The following TRIM2 variants were observed in gnomAD, a reference collection of about 807,000 sequenced individuals.
TRIM2 encodes the protein tripartite motif containing 2.
In TRIM2, 20 loss-of-function variants were observed where a neutral mutation model predicts 75.2. That is an observed-to-expected ratio of 0.27 (90% CI 0.19 to 0.39). The LOEUF is 0.39. Ranked by LOEUF, TRIM2 falls within the 10% of genes least tolerant of loss-of-function variation. TRIM2 has a pLI of 1.00. For missense variants in TRIM2, 660 were observed against 990.8 expected, an observed-to-expected ratio of 0.67 and a Z score of 4.48; for synonymous variants, 373 against 388.3, an observed-to-expected ratio of 0.96 and a Z score of 0.46.
At chr4:153,256,878 GA>G (rs1752188708) in intron 1 of TRIM2, among the ~76,000 whole-genome samples, 2 of 152,166 alleles carry the variant, frequency 1.3e-5, no homozygotes, top group South Asian at 4.1e-4. Flanking sequence ...ACCAAGAGAG[GA>G]AAAGTAGTAG....
intron 1 of TRIM2, among the ~76,000 whole-genome samples, chr4:153,255,071 G>A (rs1751746973): frequency 6.6e-6 from 1 of 152,116 alleles, no homozygotes; most frequent in Admixed American, 6.5e-5. Context: ...GGCGCCCAGA[G>A]CATTTGCTTC....
At position 153,248,788 on chromosome 4, in the gene TRIM2, G is replaced by T. The variant is rs552965342; in HGVS notation, c.31-21547G>T. On this transcript the variant is annotated intron_variant, in intron 1 of 11. Transcript: ENST00000338700. This position sits in a 1 kb window ranked among gnomAD's most constrained non-coding sequence, Gnocchi z 4.0. ...ACTCTTCTGGTAACATGTTGGAGGGGCAGCCTTCTGAGGATGGTGTCAGAT... is the reference window on the plus strand; with the variant it reads ...ACTCTTCTGGTAACATGTTGGAGGGTCAGCCTTCTGAGGATGGTGTCAGAT... Among the ~76,000 whole-genome samples the T allele has an allele frequency of 2.7e-4, 41 of 152,326 alleles. No homozygotes were observed. Among genetic ancestry groups the T allele is most frequent in the Non-Finnish European group, 6.0e-4 (41 of 68,030 alleles).
chr4:153,200,724 A>AAAATATATATAT (rs1405991305), upstream of TRIM2, among the ~76,000 whole-genome samples: 1 of 138,144 alleles, frequency 7.2e-6, no homozygotes, highest in African/African-American at 2.7e-5. Context: ...AAGAAAAAAA[A>AAAATATATATAT]ATATATATAT....
chr4:153,213,285 G>C (rs1364855066), intron 1 of TRIM2, among the ~76,000 whole-genome samples: 3 of 152,108 alleles, frequency 2.0e-5, no homozygotes, highest in Non-Finnish European at 4.4e-5. Context: ...GATGCCTCCA[G>C]GGTACATTAT....
chr4:153,318,066 C>T (rs1028154985), intron 8 of TRIM2, among the ~76,000 whole-genome samples: 4 of 152,194 alleles, frequency 2.6e-5, no homozygotes, highest in Non-Finnish European at 4.4e-5. Context: ...TTTTCCATGC[C>T]GCTAGTAACC....
intron 4 of TRIM2, among the ~76,000 whole-genome samples, chr4:153,293,795 AAT>A (rs775613825): frequency 6.6e-6 from 1 of 152,236 alleles, no homozygotes; most frequent in Non-Finnish European, 1.5e-5. Context: ...GGTTTGGATA[AAT>A]GTTTTATGTG....
intron 1 of TRIM2, among the ~76,000 whole-genome samples, chr4:153,174,398 G>C (rs1731202906): frequency 6.6e-6 from 1 of 152,044 alleles, no homozygotes; most frequent in Non-Finnish European, 1.5e-5. Context: ...GGTGAACAGA[G>C]AGAGAAGGAC....
At position 153,335,140 on chromosome 4, in the gene TRIM2, G is replaced by GT. The variant is rs1465386426; in HGVS notation, c.*175dup. On this transcript the variant is annotated 3_prime_UTR_variant, in exon 12 of 12. Transcript: ENST00000338700. ...CTTAAAAATGACTTATCCAATTTCTGTATTTCACCTTTAGGGTTAAAAAAA... is the reference window on the plus strand; with the variant it reads ...CTTAAAAATGACTTATCCAATTTCTGTTATTTCACCTTTAGGGTTAAAAAAA... 7 of 1,279,916 alleles carry GT rather than the reference G, an allele frequency of 5.5e-6. No individual in the cohort carries two copies. Among genetic ancestry groups the GT allele is most frequent in the Non-Finnish European group, 6.9e-6 (7 of 1,010,980 alleles). 79.3% of individuals were successfully genotyped at this position (1,279,916 alleles called of 1,614,324 possible).
At chr4:153,289,642 A>G (rs1258027057) in intron 3 of TRIM2, among the ~76,000 whole-genome samples, 1 of 152,098 alleles carries the variant, frequency 6.6e-6, no homozygotes, top group Non-Finnish European at 1.5e-5. Flanking sequence ...GGGGAACTTC[A>G]ACTCAGACCA....
At chr4:153,313,467 C>T (rs929939935) in intron 6 of TRIM2, among the ~76,000 whole-genome samples, 2 of 151,744 alleles carry the variant, frequency 1.3e-5, no homozygotes, top group Non-Finnish European at 2.9e-5. Flanking sequence ...AAGTTTAATC[C>T]ATCACCAATT....
intron 1 of TRIM2, among the ~76,000 whole-genome samples, chr4:153,253,000 G>A (rs529448849): frequency 6.6e-6 from 1 of 152,196 alleles, no homozygotes; most frequent in African/African-American, 2.4e-5. Flanking sequence ...TGCACTAAGG[G>A]TTAGTGAATT....
chr4:153,293,748 A>G (rs184945350), intron 4 of TRIM2, among the ~76,000 whole-genome samples: 1 of 152,374 alleles, frequency 6.6e-6, no homozygotes, highest in East Asian at 1.9e-4. Flanking sequence ...AGTAATTCAA[A>G]GAACTTGGAA....
intron 3 of TRIM2, among the ~76,000 whole-genome samples, chr4:153,280,582 A>G (rs886203910): frequency 5.9e-5 from 9 of 152,036 alleles, no homozygotes; most frequent in African/African-American, 1.9e-4. Flanking sequence ...AAAAGGTCTT[A>G]TGTTGCCCAG....
intron 1 of TRIM2, among the ~76,000 whole-genome samples, chr4:153,246,937 G>A (rs1356196292): frequency 1.3e-5 from 2 of 152,206 alleles, no homozygotes; most frequent in Non-Finnish European, 2.9e-5. Context: ...CCAACCTTGA[G>A]AGGCGCATCA....
intron 1 of TRIM2, among the ~76,000 whole-genome samples, chr4:153,179,698 G>A (rs370129091): frequency 6.6e-6 from 1 of 152,310 alleles, no homozygotes; most frequent in East Asian, 1.9e-4. Flanking sequence ...AAAGCAAATG[G>A]AAGCTGCACT....
At chr4:153,316,635 G>A (rs1767649241) in intron 8 of TRIM2, among the ~76,000 whole-genome samples, 1 of 152,054 alleles carries the variant, frequency 6.6e-6, no homozygotes, top group South Asian at 2.1e-4. Context: ...CACTTTGAGG[G>A]ATCCCATTGT....
chr4:153,251,314 CAG>C (rs1403919421), intron 1 of TRIM2, among the ~76,000 whole-genome samples: 4 of 152,198 alleles, frequency 2.6e-5, no homozygotes, highest in African/African-American at 7.2e-5. Flanking sequence ...AAACTGACTA[CAG>C]AGAGTCTGGA....
At chr4:153,242,840 G>A (rs1000722014) in intron 1 of TRIM2, among the ~76,000 whole-genome samples, 2 of 152,208 alleles carry the variant, frequency 1.3e-5, no homozygotes, top group Non-Finnish European at 2.9e-5. Flanking sequence ...CATGGTGGGG[G>A]CTGGGATCAA....
At chr4:153,310,329 T>C (rs1765987325) in intron 6 of TRIM2, 1 of 152,220 alleles carries the variant, frequency 6.6e-6, no homozygotes, top group Non-Finnish European at 1.5e-5. Flanking sequence ...TTTTATTATA[T>C]ATTTAGAATA....
Sources: gnomAD v4.1 joint callset for allele counts (sites outside exome capture counted in the v4.1 genomes callset) on GRCh38, gnomAD v4.1.1 for gene constraint, Gnocchi (gnomAD v3.1) non-coding constraint, MANE v1.5 for transcripts, NCBI Gene and HGNC (gene_info 2026-07-23, HGNC 2026-07-21) for gene names.